Variants in PPFIA1 observed in about 807,000 individuals in gnomAD.
The protein encoded by PPFIA1 is PPFI scaffold protein A1, also known as liprin-alpha-1.
Under a neutral mutation model 149.9 loss-of-function variants are expected in PPFIA1, and 25 were observed. The ratio of observed to expected loss-of-function variants is 0.17; its 90% CI spans 0.12 to 0.23. PPFIA1 has a LOEUF of 0.23. PPFIA1 is among the 10% of genes least tolerant of loss of function. The probability of loss-of-function intolerance (pLI) is 1.00; values close to 1 mark genes in which losing one functional copy is unlikely to be tolerated. For synonymous variants in PPFIA1, 549 were observed against 552.8 expected, an observed-to-expected ratio of 0.99 and a Z score of 0.10; for missense variants, 1,362 against 1,506.5, an observed-to-expected ratio of 0.90 and a Z score of 1.59.
chr11:70,345,344 T>C (rs879967199), intron 15 of PPFIA1, among the ~76,000 whole-genome samples: 9,427 of 123,102 alleles, frequency 0.077, no homozygotes, highest in African/African-American at 0.21. Flanking sequence ...GAAATAAGAA[T>C]TTTAAGAAGG....
At chr11:70,297,962 G>T (rs2052195894) in intron 2 of PPFIA1, among the ~76,000 whole-genome samples, 2 of 152,178 alleles carry the variant, frequency 1.3e-5, no homozygotes, top group Non-Finnish European at 2.9e-5. Flanking sequence ...TGACAGCTGT[G>T]CCTCGAGATC....
At chr11:70,271,769 T>G (rs1393508006) in intron 1 of PPFIA1, 1 of 164,718 alleles carries the variant, frequency 6.1e-6, no homozygotes, top group Non-Finnish European at 1.3e-5. Flanking sequence ...GAAAAATGAT[T>G]GGGTGACATG....
chr11:70,319,613 G>A (rs1337046093), intron 2 of PPFIA1, among the ~76,000 whole-genome samples: 1 of 152,100 alleles, frequency 6.6e-6, no homozygotes, highest in Non-Finnish European at 1.5e-5. Flanking sequence ...TTATGCTAAT[G>A]ACTGACTGAG....
At chr11:70,329,178 A>G (rs991019030) in intron 7 of PPFIA1, among the ~76,000 whole-genome samples, 1 of 152,184 alleles carries the variant, frequency 6.6e-6, no homozygotes, top group Non-Finnish European at 1.5e-5. Flanking sequence ...GTGTGAGACC[A>G]TTTGTAGCGT....
intron 8 of PPFIA1, among the ~76,000 whole-genome samples, chr11:70,331,234 CAAAA>C (rs59451597): frequency 2.7e-5 from 3 of 109,462 alleles, no homozygotes; most frequent in Non-Finnish European, 5.9e-5. Context: ...GACTCCGTCT[CAAAA>C]AAAAAAAAAA....
intron 2 of PPFIA1, among the ~76,000 whole-genome samples, chr11:70,295,194 C>G (rs1404601909): frequency 2.7e-5 from 4 of 147,606 alleles, no homozygotes; most frequent in Non-Finnish European, 6.0e-5. Context: ...CTGACCCCCC[C>G]ACCTCCCTCC....
In PPFIA1 at chr11:70,374,926, G is replaced by A. The variant is rs780133063; in HGVS notation, c.3148G>A (p.Val1050Ile). 3 of 1,610,740 alleles carry A rather than the reference G, an allele frequency of 1.9e-6. No homozygotes were observed. The highest frequency in any genetic ancestry group is 1.7e-6 in the Non-Finnish European group (2 of 1,179,014). ...TCTTTATTCTTTTGCAGACGTGCTT[G>A]TTTGGAGCAATGATCGAGTGATTCG... ...ESQSEIKDVL[V>I]WSNDRVIRWI... Residue 1050 changes from valine to isoleucine, a missense_variant, in exon 24 of 28, where the codon GTT (valine) becomes ATT (isoleucine). Physicochemically the swap from Val to Ile is conservative, Grantham distance 29 (BLOSUM62 3). Coordinates refer to ENST00000253925, the MANE Select transcript of PPFIA1 (RefSeq NM_003626.5).
intron 2 of PPFIA1, among the ~76,000 whole-genome samples, chr11:70,277,248 T>C (rs1201330651): frequency 6.6e-6 from 1 of 151,626 alleles, no homozygotes; most frequent in Non-Finnish European, 1.5e-5. Flanking sequence ...ACTCCTGGCC[T>C]CAGGTGATCC....
rs115309333 is a variant in PPFIA1, at chr11:70,321,728, G to A, written c.265-2674G>A. ...AGTCAAAGACAAAATTAGTGGATTG[G>A]CAGTTACTTCACAAAATTGACCCAG... On this transcript the variant is annotated intron_variant, in intron 2 of 27. Coordinates refer to ENST00000253925, the MANE Select transcript of PPFIA1 (RefSeq NM_003626.5). Among the ~76,000 whole-genome samples, 735 of 152,294 alleles carry A rather than the reference G, an allele frequency of 4.8e-3. 7 individuals are homozygous for A. Among genetic ancestry groups the A allele is most frequent in the African/African-American group, 0.017 (709 of 41,554 alleles).
At chr11:70,344,638 G>GT (rs2055573408) in intron 15 of PPFIA1, among the ~76,000 whole-genome samples, 1 of 151,410 alleles carries the variant, frequency 6.6e-6, no homozygotes, top group African/African-American at 2.4e-5. Context: ...GTTCAGCAGC[G>GT]TTTGTTTCAA....
chr11:70,311,986 G>C (rs1004630703), intron 2 of PPFIA1, among the ~76,000 whole-genome samples: 5 of 151,706 alleles, frequency 3.3e-5, no homozygotes, highest in Middle Eastern at 3.4e-3. Context: ...GGGACTACAG[G>C]CATGCACCAC....
chr11:70,289,090 C>T (rs2051350181), intron 2 of PPFIA1, among the ~76,000 whole-genome samples: 1 of 151,570 alleles, frequency 6.6e-6, no homozygotes, highest in Non-Finnish European at 1.5e-5. Context: ...GCCTCACTCT[C>T]CCAAGTAGCT....
chr11:70,381,573 A>G (rs1196576312), intron 26 of PPFIA1, among the ~76,000 whole-genome samples: 3 of 152,096 alleles, frequency 2.0e-5, no homozygotes, highest in African/African-American at 7.2e-5. Flanking sequence ...CTTCCCAGAC[A>G]CCCAGCTAGT....
chr11:70,369,949 C>CTT (rs36102876), intron 21 of PPFIA1, among the ~76,000 whole-genome samples: 4 of 145,736 alleles, frequency 2.7e-5, no homozygotes, highest in Non-Finnish European at 4.5e-5. Flanking sequence ...CTCTTTTACT[C>CTT]TTTTTTTTTT....
At chr11:70,367,614 C>T (rs920497812) in intron 21 of PPFIA1, 1 of 455,038 alleles carries the variant, frequency 2.2e-6, no homozygotes, top group African/African-American at 2.0e-5. Context: ...GCTGCTAAGG[C>T]AGCCCAGGAG....
intron 2 of PPFIA1, among the ~76,000 whole-genome samples, chr11:70,305,522 C>T (rs1231749624): frequency 6.6e-6 from 1 of 152,108 alleles, no homozygotes; most frequent in African/African-American, 2.4e-5. Flanking sequence ...CAGAGGCACA[C>T]CACCACGCCT....
intron 26 of PPFIA1, among the ~76,000 whole-genome samples, chr11:70,379,840 T>C (rs73521344): frequency 0.024 from 3,610 of 152,332 alleles, 158 homozygotes; most frequent in African/African-American, 0.083. Context: ...ATTTATTGTT[T>C]GCCAGAATTT....
chr11:70,283,579 G>C (rs902906607), intron 2 of PPFIA1, among the ~76,000 whole-genome samples: 2 of 152,204 alleles, frequency 1.3e-5, no homozygotes, highest in Non-Finnish European at 2.9e-5. Flanking sequence ...GATGGATTGA[G>C]GAGGCGAGAG....
chr11:70,344,092 C>T (rs942478144), intron 15 of PPFIA1, among the ~76,000 whole-genome samples, 200 bp downstream of exon 15: 3 of 152,368 alleles, frequency 2.0e-5, no homozygotes, highest in Non-Finnish European at 4.4e-5. Context: ...AGGGCACTCT[C>T]CCCACAGTTA....
Sources: allele counts gnomAD v4.1 joint callset (sites outside exome capture counted in the v4.1 genomes callset), GRCh38; gene constraint gnomAD v4.1.1; transcripts MANE v1.5; gene names NCBI Gene and HGNC (gene_info 2026-07-23, HGNC 2026-07-21).